LCT: variants seen among roughly 807,000 people sequenced by gnomAD.
LCT encodes lactase, also known as lactase/phlorizin hydrolase.
A neutral mutation model predicts 173.0 loss-of-function variants in LCT; 90 were observed. The ratio of observed to expected loss-of-function variants is 0.52; its 90% CI spans 0.44 to 0.62. LCT has a LOEUF of 0.62. Ranked by LOEUF, LCT falls within the 20% of genes least tolerant of loss-of-function variation. The probability of loss-of-function intolerance (pLI) is 0.00; values close to 1 mark genes in which losing one functional copy is unlikely to be tolerated. For synonymous variants in LCT, 853 were observed against 957.6 expected (o/e 0.89, Z 2.02); for missense variants, 1,864 against 2,431.4 (o/e 0.77, Z 4.91).
At chr2:135,798,493 C>T (rs1030688296) in intron 12 of LCT, among the ~76,000 whole-genome samples, 1 of 152,200 alleles carries the variant, frequency 6.6e-6, no homozygotes, top group African/African-American at 2.4e-5. Context: ...AGCCTCCAGG[C>T]TCCCGGTTCT....
chr2:135,805,687 C>A (rs1304755937), intron 9 of LCT, among the ~76,000 whole-genome samples: 2 of 152,156 alleles, frequency 1.3e-5, no homozygotes, highest in Non-Finnish European at 2.9e-5. Context: ...TGGTCATAGT[C>A]ATGGGCTGTA....
chr2:135,812,225 A>G, intron 7 of LCT, 86 bp downstream of exon 7: 2 of 1,104,584 alleles, frequency 1.8e-6, no homozygotes, highest in Non-Finnish European at 2.8e-6. Context: ...TCTCTAGGAG[A>G]CTTTCTTTGT....
chr2:135,816,895 G>A (rs2077784922), intron 6 of LCT, among the ~76,000 whole-genome samples: 1 of 150,848 alleles, frequency 6.6e-6, no homozygotes, highest in Non-Finnish European at 1.5e-5. Context: ...TTGAGACAGG[G>A]TCTTGCTCTG....
rs1340132894 is a variant in LCT, at chr2:135,809,453, A to G, written c.2894T>C (p.Met965Thr). ...GGCCTTCACCTTCAAAGCTCGGAGC[A>G]TATTCAGATCGGCATCCAGCTGGTG... Reference protein sequence around the residue: ...SYHQLDADLNMLRALKVKAYR... With the variant: ...SYHQLDADLNTLRALKVKAYR... The change falls in exon 8 of 17, where the codon ATG becomes ACG. Residue 965 changes from methionine (M) to threonine (T), a missense_variant. Met to Thr is a moderately conservative substitution (Grantham distance 81). Around this residue, in one of 4 missense-constraint regions of LCT, gnomAD observed 755 missense variants for 926.3 expected, o/e 0.82. Coordinates refer to ENST00000264162, the MANE Select transcript of LCT (RefSeq NM_002299.4). The surrounding 1 kb of genome is among the most constrained non-coding windows in gnomAD (Gnocchi z 5.5). 6.2e-7 allele frequency: 1 copy of G among 1,614,222 alleles called. No homozygotes were observed.
intron 3 of LCT, 116 bp downstream of exon 3, chr2:135,829,477 G>A (rs1435569661): frequency 2.0e-5 from 16 of 809,322 alleles, no homozygotes; most frequent in Admixed American, 3.5e-5. Flanking sequence ...CAACTCAGCC[G>A]GTCTCTGCTG....
In LCT at chr2:135,809,596, C is replaced by T. The variant is rs372369197; in HGVS notation, c.2751G>A (p.Gln917=). 1.7e-5 allele frequency: 27 copies of T among 1,614,088 alleles called. No homozygotes were observed. The highest frequency in any genetic ancestry group is 2.1e-5 in the Non-Finnish European group (25 of 1,180,058). ...FLWGVSSSAY[Q]IEGAWDADGK... ...CATCGGCATCCCACGCGCCTTCAAT[C>T]TGATAAGCGGAAGAGGACACGCCCC... Residue 917 remains glutamine (Q), a synonymous_variant, in exon 8 of 17, where the codon CAG becomes CAA. Transcript: ENST00000264162. The surrounding 1 kb of genome is among the most constrained non-coding windows in gnomAD (Gnocchi z 5.5).
In LCT at chr2:135,788,277, A is replaced by G. The variant is rs1257990525; in HGVS notation, c.*47T>C. ...AAGGTGTTTGGTGGCCGGTAAACATAGATGAAGAAACTAGGCCTGCTTCAT... is the reference window on the plus strand; with the variant it reads ...AAGGTGTTTGGTGGCCGGTAAACATGGATGAAGAAACTAGGCCTGCTTCAT... On this transcript the variant is annotated 3_prime_UTR_variant, in exon 17 of 17. Coordinates refer to ENST00000264162, the MANE Select transcript of LCT (RefSeq NM_002299.4). The G allele has an allele frequency of 2.2e-6, 3 of 1,388,280 alleles. No homozygotes were observed. In the African/African-American group the frequency reaches 4.3e-5, roughly 20 times the overall value. The allele number at this position is 1,388,280 out of a possible 1,614,324, so 86.0% of individuals were successfully genotyped here. A position where few individuals can be genotyped will look rare whatever the true frequency, so the allele number is the denominator to read the frequency against.
chr2:135,832,516 G>C (rs531099444), intron 2 of LCT, among the ~76,000 whole-genome samples: 2 of 150,996 alleles, frequency 1.3e-5, no homozygotes, highest in African/African-American at 2.4e-5. Context: ...ACAGGGTCTT[G>C]CTGTGTCACC....
At chr2:135,808,178 T>A (rs572911711) in intron 8 of LCT, among the ~76,000 whole-genome samples, 12 of 152,138 alleles carry the variant, frequency 7.9e-5, no homozygotes, top group Non-Finnish European at 1.6e-4. Context: ...CAGTAATGAA[T>A]GAATGGACCC....
intron 7 of LCT, among the ~76,000 whole-genome samples, chr2:135,811,108 A>G (rs2077731332): frequency 6.6e-6 from 1 of 152,140 alleles, no homozygotes; most frequent in East Asian, 1.9e-4. Flanking sequence ...TGGGAGGCTG[A>G]GGTGGGAGAA....
At chr2:135,801,814 T>C (rs1209913032) in intron 11 of LCT, among the ~76,000 whole-genome samples, 1 of 151,852 alleles carries the variant, frequency 6.6e-6, no homozygotes, top group Non-Finnish European at 1.5e-5. Flanking sequence ...CCTCAGGTGA[T>C]CCACCTGTCT....
intron 13 of LCT, among the ~76,000 whole-genome samples, chr2:135,797,237 C>A (rs1488342583): frequency 2.6e-5 from 4 of 152,092 alleles, no homozygotes; most frequent in Non-Finnish European, 5.9e-5. Flanking sequence ...TGTGAGCCAC[C>A]GCACCCGGCC....
rs552921496 is a variant in LCT at position 135,791,109 on chromosome 2, C to T, written c.5112-228G>A. Reference sequence around the variant, plus strand: ...GCATTGGACAAGCCACTCAGCTCTCCGTCCTTCAATTTCTCTGCCTGTGCA... The same window carrying T: ...GCATTGGACAAGCCACTCAGCTCTCTGTCCTTCAATTTCTCTGCCTGTGCA... On this transcript the variant is annotated intron_variant, in intron 14 of 16. Coordinates refer to ENST00000264162, the MANE Select transcript of LCT (RefSeq NM_002299.4). Among the ~76,000 whole-genome samples, 247 of 152,344 alleles carry T rather than the reference C, an allele frequency of 1.6e-3. 2 individuals carry two copies. The highest frequency in any genetic ancestry group is 2.5e-4 in the Non-Finnish European group (17 of 68,036).
intron 13 of LCT, 151 bp from the exon 14 acceptor site, chr2:135,794,926 A>G: frequency 1.3e-6 from 1 of 772,766 alleles, no homozygotes; most frequent in East Asian, 2.7e-5. Context: ...GAGGTCCTTC[A>G]GGCGGTGCAG....
rs200874677 is a variant in LCT, at chr2:135,812,468, T to C, written c.2196A>G (p.Ile732Met). The C allele has an allele frequency of 2.3e-5, 37 of 1,614,254 alleles. No homozygotes were observed. Among genetic ancestry groups the C allele is most frequent in the Non-Finnish European group, 3.1e-5 (36 of 1,180,046 alleles). Reference protein sequence around the residue: ...SSWIRVVPWGIRRLLQFVSLE... With the variant: ...SSWIRVVPWGMRRLLQFVSLE... Reference sequence around the variant, plus strand: ...GGGATACAAACTGCAACAGCCTCCTTATCCCCCAGGGCACCACACGAATCC... The same window carrying C: ...GGGATACAAACTGCAACAGCCTCCTCATCCCCCAGGGCACCACACGAATCC... Residue 732 changes from isoleucine (I) to methionine (M), a missense_variant, in exon 7 of 17, where the codon ATA becomes ATG. This residue lies in a region of LCT where 755 missense variants were observed against 926.3 expected (regional missense o/e 0.82). Transcript: ENST00000264162.
At chr2:135,817,309 C>T (rs2077787663) in intron 6 of LCT, 32 bp downstream of exon 6, 1 of 1,606,818 alleles carries the variant, frequency 6.2e-7, no homozygotes, top group East Asian at 2.2e-5. Context: ...CTTTCTCCTC[C>T]AATTAGTAGG....
intron 3 of LCT, 66 bp from the exon 4 acceptor site, chr2:135,824,069 G>A: frequency 9.5e-7 from 1 of 1,055,310 alleles, no homozygotes; most frequent in South Asian, 1.3e-5. Context: ...AACAGGGACA[G>A]AGTTTCAAGA....
Position 135,788,385 on chromosome 2 carries a change from C to G in LCT, c.5723G>C (p.Arg1908Pro), listed in dbSNP as rs577825311. Residue 1908 changes from arginine (R) to proline (P), a missense_variant, in exon 17 of 17, where the codon CGC becomes CCC. Physicochemically the swap from Arg to Pro is moderately radical, Grantham distance 103. Transcript: ENST00000264162. ...TCGTTGTGTTTTCCCTTGCTTAGAG[C>G]GCTTGCAGTACTTGTATGACAGAAA... ...LAFLSYKYCKRSKQGKTQRSQ... is the reference protein window; with the variant it reads ...LAFLSYKYCKPSKQGKTQRSQ... 1 of 1,614,106 alleles carries G rather than the reference C, an allele frequency of 6.2e-7. No individual in the cohort carries two copies. Among genetic ancestry groups the G allele is most frequent in the Non-Finnish European group, 8.5e-7 (1 of 1,180,020 alleles).
At chr2:135,803,260 C>T (rs1284924478) in intron 11 of LCT, among the ~76,000 whole-genome samples, 1 of 152,176 alleles carries the variant, frequency 6.6e-6, no homozygotes, top group African/African-American at 2.4e-5. Context: ...CTGATTTCAT[C>T]ATCACACATT....
Sources: allele counts gnomAD v4.1 joint callset (sites outside exome capture counted in the v4.1 genomes callset), GRCh38; gene constraint gnomAD v4.1.1; regional missense constraint gnomAD v4.1.1; non-coding constraint Gnocchi (gnomAD v3.1); transcripts MANE v1.5; gene names NCBI Gene and HGNC (gene_info 2026-07-23, HGNC 2026-07-21).